ADGRL3: variants seen among roughly 807,000 people sequenced by gnomAD.
ADGRL3 encodes the protein adhesion G protein-coupled receptor L3.
ADGRL3 carries 62 observed loss-of-function variants against 153.5 expected under a neutral mutation model. The ratio of observed to expected loss-of-function variants is 0.40; its 90% CI spans 0.33 to 0.50. The LOEUF is 0.50. ADGRL3 is among the 20% of genes least tolerant of loss of function. ADGRL3 has a pLI of 0.47. For synonymous variants in ADGRL3, 710 were observed against 672.5 expected (o/e 1.06, Z -0.86); for missense variants, 1,641 against 1,859.4 (o/e 0.88, Z 2.16).
At chr4:61,926,795 A>G (rs1252681872) in intron 13 of ADGRL3, among the ~76,000 whole-genome samples, 1 of 152,154 alleles carries the variant, frequency 6.6e-6, no homozygotes, top group Non-Finnish European at 1.5e-5. Flanking sequence ...AAGAATTGTA[A>G]ATACCTTAAC....
At chr4:61,933,686 C>G (rs1447052541) in intron 13 of ADGRL3, among the ~76,000 whole-genome samples, 1 of 152,108 alleles carries the variant, frequency 6.6e-6, no homozygotes, top group South Asian at 2.1e-4. Context: ...TAATTGGCAG[C>G]CAAGGTGTTT....
intron 11 of ADGRL3, among the ~76,000 whole-genome samples, chr4:61,900,302 T>G (rs1053789666): frequency 1.6e-4 from 24 of 151,310 alleles, no homozygotes; most frequent in African/African-American, 4.9e-4. Context: ...ATGAATTATG[T>G]TTTTTTTTCC....
At chr4:61,498,980 G>C (rs1397884173) in intron 3 of ADGRL3, among the ~76,000 whole-genome samples, 1 of 152,146 alleles carries the variant, frequency 6.6e-6, no homozygotes, top group African/African-American at 2.4e-5. Flanking sequence ...AAAGGACACA[G>C]CTGTATTTGC....
Position 61,497,172 on chromosome 4 carries a change from C to A in ADGRL3, c.-122C>A. ...CTGTTTTGGAGAAATTATTCTTTTT[C>A]TTTTTAATTTGAAGAAAAATCATCA... On this transcript the variant is annotated 5_prime_UTR_variant, in exon 3 of 27. Transcript: ENST00000683033. 1 of 532,972 alleles carries A rather than the reference C, an allele frequency of 1.9e-6. No homozygotes were observed. Among genetic ancestry groups the A allele is most frequent in the African/African-American group, 2.1e-5 (1 of 47,690 alleles). 33.0% of individuals were successfully genotyped at this position (532,972 alleles called of 1,614,324 possible). A position where few individuals can be genotyped will look rare whatever the true frequency, so the allele number is the denominator to read the frequency against.
intron 4 of ADGRL3, among the ~76,000 whole-genome samples, chr4:61,535,668 G>A (rs2098651338): frequency 6.6e-6 from 1 of 151,798 alleles, no homozygotes; most frequent in African/African-American, 2.4e-5. Context: ...GTTCAGTCTT[G>A]TAAGATTGTA....
chr4:61,519,112 C>A (rs977517492), intron 4 of ADGRL3, among the ~76,000 whole-genome samples: 3 of 152,128 alleles, frequency 2.0e-5, no homozygotes, highest in African/African-American at 7.2e-5. Flanking sequence ...ATATTTAAAT[C>A]AGCAACTAAT....
chr4:61,905,384 A>G (rs1375597325), intron 11 of ADGRL3, among the ~76,000 whole-genome samples: 3 of 152,206 alleles, frequency 2.0e-5, no homozygotes, highest in Admixed American at 6.5e-5. Context: ...ATGAATTTTA[A>G]TCACATTTAT....
chr4:61,290,372 C>T (rs1428311336), intron 1 of ADGRL3, among the ~76,000 whole-genome samples: 3 of 152,074 alleles, frequency 2.0e-5, no homozygotes, highest in Admixed American at 1.3e-4. Flanking sequence ...TAATTTATTA[C>T]ATTGTCATAT....
intron 2 of ADGRL3, among the ~76,000 whole-genome samples, chr4:61,456,904 T>C (rs2097762047): frequency 6.6e-6 from 1 of 152,062 alleles, no homozygotes; most frequent in Non-Finnish European, 1.5e-5. Flanking sequence ...CTCACTTTTG[T>C]AGGAGTAGGC....
chr4:61,666,169 C>G (rs1422232678), intron 5 of ADGRL3, among the ~76,000 whole-genome samples: 4 of 152,070 alleles, frequency 2.6e-5, no homozygotes, highest in African/African-American at 7.2e-5. Context: ...CACAGTTATT[C>G]CTTTGCTTTT....
chr4:61,227,424 G>A (rs1446501644), intron 1 of ADGRL3, among the ~76,000 whole-genome samples: 1 of 151,988 alleles, frequency 6.6e-6, no homozygotes, highest in East Asian at 1.9e-4. Context: ...TCCCAGGCTG[G>A]CCTTGAACTC....
intron 17 of ADGRL3, among the ~76,000 whole-genome samples, chr4:61,955,936 T>C (rs1425856776): frequency 6.6e-6 from 1 of 152,194 alleles, no homozygotes; most frequent in Non-Finnish European, 1.5e-5. Flanking sequence ...CAGTCTATCA[T>C]TGGTGGGCAA....
At chr4:61,615,993 A>G (rs1440798716) in intron 5 of ADGRL3, among the ~76,000 whole-genome samples, 1 of 152,108 alleles carries the variant, frequency 6.6e-6, no homozygotes, top group Non-Finnish European at 1.5e-5. Flanking sequence ...CATTTCAATA[A>G]AACTGGCTAT....
rs1200843974 is a variant in ADGRL3, at chr4:61,562,916, GC to G, written c.260-24309del. ...GCTATGATTGCACCATTGCACTCCA[GC>G]CTGGATGACAGAGCAAGACCCTGTC... is the stretch of plus-strand genomic sequence containing the variant. On this transcript the variant is annotated intron_variant, in intron 4 of 26. Transcript: ENST00000683033. Among the ~76,000 whole-genome samples the G allele has an allele frequency of 2.2e-5, 3 of 138,854 alleles. No individual in the cohort carries two copies. In the Admixed American group the frequency reaches 2.3e-4, roughly 11 times the overall value. 91.1% of individuals were successfully genotyped at this position (138,854 alleles called of 152,430 possible).
chr4:61,616,314 A>G (rs1233033664), intron 5 of ADGRL3, among the ~76,000 whole-genome samples: 1 of 152,170 alleles, frequency 6.6e-6, no homozygotes, highest in Admixed American at 6.5e-5. Flanking sequence ...CCTATAATTG[A>G]CATGTGAATA....
intron 17 of ADGRL3, among the ~76,000 whole-genome samples, chr4:61,964,230 A>G (rs1393325758): frequency 6.6e-6 from 1 of 152,150 alleles, no homozygotes; most frequent in African/African-American, 2.4e-5. Context: ...ATTTTTTCTA[A>G]CAGTTTGTCA....
Position 61,979,750 on chromosome 4 carries a change from G to C in ADGRL3, c.2993G>C (p.Gly998Ala). 6.2e-7 allele frequency: 1 copy of C among 1,613,734 alleles called. No individual in the cohort carries two copies. The highest frequency in any genetic ancestry group is 8.5e-7 in the Non-Finnish European group (1 of 1,179,806). Residue 998 changes from glycine (G) to alanine (A), a missense_variant, in exon 18 of 27, where the codon GGG becomes GCG. Transcript: ENST00000683033. The stretch of plus-strand genomic sequence containing the variant: ...GTAGCAGAGCTGCTCTTCCTGATTG[G>C]GATCAACCGAACTGACCAACCAGTA... Reference protein sequence around the residue: ...LFVAELLFLIGINRTDQPIAC... With the variant: ...LFVAELLFLIAINRTDQPIAC...
chr4:61,572,166 T>C (rs1189203102), intron 4 of ADGRL3, among the ~76,000 whole-genome samples: 1 of 152,174 alleles, frequency 6.6e-6, no homozygotes, highest in African/African-American at 2.4e-5. Flanking sequence ...GTAATAGATT[T>C]ATATTATGGT....
rs532351348 is a variant in ADGRL3, at chr4:61,297,049, A to T, written c.-239-86075A>T. ...GATACCATAAACAACAAAAAATAGT[A>T]GATCAATGTGTAGCACATTATTATA... is the stretch of plus-strand genomic sequence containing the variant. On this transcript the variant is annotated intron_variant, in intron 1 of 26. Coordinates refer to ENST00000683033, the MANE Select transcript of ADGRL3 (RefSeq NM_001387552.1). Among the ~76,000 whole-genome samples the T allele has an allele frequency of 2.6e-5, 4 of 152,330 alleles. No homozygotes were observed. The East Asian group carries it at 7.7e-4, about 29-fold the overall frequency.
Sources: allele counts gnomAD v4.1 joint callset (sites outside exome capture counted in the v4.1 genomes callset), GRCh38; gene constraint gnomAD v4.1.1; transcripts MANE v1.5; gene names NCBI Gene and HGNC (gene_info 2026-07-23, HGNC 2026-07-21).